UFD1: variants seen among roughly 807,000 people sequenced by gnomAD.
UFD1 encodes the protein ubiquitin recognition factor in ER associated degradation 1, also known as ubiquitin recognition factor in ER-associated degradation protein 1.
In UFD1, 13 loss-of-function variants were observed where a neutral mutation model predicts 45.9. That is an observed-to-expected ratio of 0.28 (90% CI 0.18 to 0.45). UFD1 has a LOEUF of 0.45. Ranked by LOEUF, UFD1 falls within the 20% of genes least tolerant of loss-of-function variation. The probability of loss-of-function intolerance (pLI) is 1.00; values close to 1 mark genes in which losing one functional copy is unlikely to be tolerated. For missense variants in UFD1, 218 were observed against 389.2 expected (o/e 0.56, Z 3.70); for synonymous variants, 128 against 139.2 (o/e 0.92, Z 0.56).
At chr22:19,453,638 T>C (rs2089699726) in intron 11 of UFD1, 1 of 985,438 alleles carries the variant, frequency 1.0e-6, no homozygotes, top group South Asian at 4.7e-5. Context: ...CTGGCCACTA[T>C]GTTTGCTCCT....
intron 5 of UFD1, chr22:19,467,661 G>T: frequency 1.4e-6 from 1 of 692,456 alleles, no homozygotes; most frequent in Non-Finnish European, 2.3e-6. Context: ...GAAGTGTCTG[G>T]AAAGTGACAG....
Position 19,456,834 on chromosome 22 carries a change from C to T in UFD1, c.630+19G>A. 6.2e-7 allele frequency: 1 copy of T among 1,614,144 alleles called. No homozygotes were observed. Among genetic ancestry groups the T allele is most frequent in the South Asian group, 1.1e-5 (1 of 91,076 alleles). On this transcript the variant is annotated intron_variant, in intron 8 of 11. Transcript: ENST00000263202. The stretch of plus-strand genomic sequence containing the variant: ...CAGCATGCAGCAGGACAGCAAAGGA[C>T]ACTGAGGATAACACTTACTGTCGAC...
At chr22:19,457,880 GTTGCC>G (rs1214471827) in intron 7 of UFD1, among the ~76,000 whole-genome samples, 186 bp downstream of exon 7, 1 of 151,908 alleles carries the variant, frequency 6.6e-6, no homozygotes, top group Non-Finnish European at 1.5e-5. Context: ...AGCAAACTCT[GTTGCC>G]CCAACTGGCC....
intron 6 of UFD1, among the ~76,000 whole-genome samples, chr22:19,464,841 G>A (rs1450568715): frequency 6.6e-6 from 1 of 152,238 alleles, no homozygotes; most frequent in Admixed American, 6.5e-5. Context: ...CCAAGGACAA[G>A]GACCCAGCAG....
chr22:19,454,956 C>G, intron 10 of UFD1, 126 bp from the exon 11 acceptor site: 1 of 1,081,194 alleles, frequency 9.2e-7, no homozygotes, highest in South Asian at 1.6e-5. Flanking sequence ...TTGGTGCTTC[C>G]TGGCATCCTC....
chr22:19,471,228 A>G (rs1221134216), intron 4 of UFD1: 1 of 513,048 alleles, frequency 1.9e-6, no homozygotes, highest in Non-Finnish European at 3.9e-6. Context: ...GCTTGTAAGG[A>G]AAAAGACGTC....
intron 7 of UFD1, among the ~76,000 whole-genome samples, chr22:19,457,540 C>T (rs1319056198): frequency 3.9e-5 from 6 of 152,176 alleles, no homozygotes; most frequent in Non-Finnish European, 7.3e-5. Context: ...CGGCCAGGCG[C>T]GGTGGCCCAC....
At position 19,475,613 on chromosome 22, in the gene UFD1, G is replaced by A. The variant is rs1363468875; in HGVS notation, c.4-11C>T. 6.2e-7 allele frequency: 1 copy of A among 1,613,610 alleles called. No individual in the cohort carries two copies. The highest frequency in any genetic ancestry group is 1.7e-5 in the Admixed American group (1 of 59,846). On this transcript the variant is annotated splice_polypyrimidine_tract_variant and intron_variant, in intron 1 of 11. Coordinates refer to ENST00000263202, the MANE Select transcript of UFD1 (RefSeq NM_005659.7). ...CATGTTGAAAGAGAACTAGAAGGAG[G>A]AAAGAGAAACAAGTATTAAAACAAA...
Position 19,453,663 on chromosome 22 carries a change from TCCCAATG to T in UFD1, c.849+1079_849+1085del, listed in dbSNP as rs2089699991. The T allele has an allele frequency of 7.1e-6, 7 of 985,518 alleles. No homozygotes were observed. The South Asian group carries it at 3.3e-4, about 46-fold the overall frequency. 61.0% of individuals were successfully genotyped at this position (985,518 alleles called of 1,614,324 possible). A position where few individuals can be genotyped will look rare whatever the true frequency, so the allele number is the denominator to read the frequency against. ...TGTTTGCTCCTCTGAGCCTGAAAGG[TCCCAATG>T]CCCAATGCTGTTTCAACTTGAACAT... is the stretch of plus-strand genomic sequence containing the variant. On this transcript the variant is annotated intron_variant, in intron 11 of 11. Coordinates refer to ENST00000263202, the MANE Select transcript of UFD1 (RefSeq NM_005659.7).
intron 4 of UFD1, among the ~76,000 whole-genome samples, chr22:19,469,669 G>C (rs1185862155): frequency 6.6e-6 from 1 of 152,162 alleles, no homozygotes; most frequent in East Asian, 1.9e-4. Context: ...TGGGAGCATG[G>C]GTGGGATGGA....
intron 11 of UFD1, chr22:19,454,321 C>A: frequency 9.9e-7 from 1 of 1,009,146 alleles, no homozygotes. Flanking sequence ...GCGTCCCCAC[C>A]CAAATCTCAT....
At chr22:19,465,988 C>T (rs574624058) in intron 5 of UFD1, 2 of 152,352 alleles carry the variant, frequency 1.3e-5, no homozygotes, top group South Asian at 4.1e-4. Context: ...TTTGCCATGT[C>T]TTCCTCATCA....
At chr22:19,455,908 T>G (rs1025958699) in intron 9 of UFD1, 140 bp from the exon 10 acceptor site, 1 of 741,190 alleles carries the variant, frequency 1.3e-6, no homozygotes, top group African/African-American at 1.8e-5. Context: ...CCTCAACTGC[T>G]GGGGTGCTGG....
chr22:19,453,121 T>C, intron 11 of UFD1: 1 of 985,464 alleles, frequency 1.0e-6, no homozygotes, highest in South Asian at 4.7e-5. Flanking sequence ...GAGTCGAGCC[T>C]CCAGCCTTCT....
chr22:19,460,900 C>A (rs1035303886), intron 6 of UFD1, among the ~76,000 whole-genome samples: 2 of 152,016 alleles, frequency 1.3e-5, no homozygotes, highest in Non-Finnish European at 2.9e-5. Context: ...CATGCCACTA[C>A]GCCCAGCTAA....
intron 11 of UFD1, 66 bp from the exon 12 acceptor site, chr22:19,450,810 T>C (rs1296532150): frequency 1.9e-6 from 3 of 1,611,962 alleles, no homozygotes; most frequent in African/African-American, 2.7e-5. Flanking sequence ...TGCCTTACTC[T>C]ATGGACTCAC....
chr22:19,465,087 G>C lies in UFD1; in HGVS notation c.495+115C>G, dbSNP rs548205111. Reference sequence around the variant, plus strand: ...AAACTTAATAACCAAACAGTAGGCAGTAATTAGGTGATAAGATCCAGGCAT... The same window carrying C: ...AAACTTAATAACCAAACAGTAGGCACTAATTAGGTGATAAGATCCAGGCAT... On this transcript the variant is annotated intron_variant, in intron 6 of 11. Coordinates refer to ENST00000263202, the MANE Select transcript of UFD1 (RefSeq NM_005659.7). 1.9e-5 allele frequency: 18 copies of C among 962,768 alleles called. No individual in the cohort carries two copies. The African/African-American group carries it at 2.8e-4, about 15-fold the overall frequency. 59.6% of individuals were successfully genotyped at this position (962,768 alleles called of 1,614,324 possible).
At chr22:19,478,976 G>A (rs983540826) in intron 1 of UFD1, 107 bp downstream of exon 1, 192 of 1,456,108 alleles carry the variant, frequency 1.3e-4, no homozygotes, top group Middle Eastern at 2.4e-4. Context: ...CTCAGGCCCG[G>A]GTGACTCGGC....
chr22:19,472,944 C>T (rs996467454), intron 3 of UFD1, among the ~76,000 whole-genome samples: 4 of 152,170 alleles, frequency 2.6e-5, no homozygotes, highest in African/African-American at 7.2e-5. Flanking sequence ...TAGGAAGTAA[C>T]GCAGATTCCA....
Sources: allele counts gnomAD v4.1 joint callset (sites outside exome capture counted in the v4.1 genomes callset), GRCh38; gene constraint gnomAD v4.1.1; transcripts MANE v1.5; gene names NCBI Gene and HGNC (gene_info 2026-07-23, HGNC 2026-07-21).